The following NEK10 variants were observed in gnomAD, a reference collection of about 807,000 sequenced individuals.
NEK10 encodes serine/threonine-protein kinase Nek10.
NEK10 carries 122 observed loss-of-function variants against 159.8 expected under a neutral mutation model. That is an observed-to-expected ratio of 0.76 (90% CI 0.66 to 0.89). The LOEUF (loss-of-function observed/expected upper bound fraction) is 0.89, where lower values mean the gene tolerates loss of function less well. Among genes scored for constraint, NEK10 ranks in the 40% least tolerant of loss-of-function variants. The pLI is 0.00. For missense variants in NEK10, 1,342 were observed against 1,323.1 expected, an observed-to-expected ratio of 1.01 and a Z score of -0.22; for synonymous variants, 466 against 457.1, an observed-to-expected ratio of 1.02 and a Z score of -0.25.
At chr3:27,347,021 A>G (rs2149795553) in intron 3 of NEK10, among the ~76,000 whole-genome samples, 1 of 152,354 alleles carries the variant, frequency 6.6e-6, no homozygotes, top group South Asian at 2.1e-4. Flanking sequence ...CATGGTATAG[A>G]CAAATATCCT....
chr3:27,148,096 C>T (rs1168043607), intron 30 of NEK10, among the ~76,000 whole-genome samples: 1 of 152,148 alleles, frequency 6.6e-6, no homozygotes, highest in African/African-American at 2.4e-5. Context: ...TGAATCCATA[C>T]TGAGCAGAGT....
intron 30 of NEK10, among the ~76,000 whole-genome samples, chr3:27,148,925 C>T (rs6797739): frequency 0.097 from 14,766 of 151,898 alleles, 2,359 homozygotes; most frequent in African/African-American, 0.34. Context: ...AAACACATTA[C>T]CCTAAAATGA....
rs1478684235 is a variant in NEK10, at chr3:27,313,823, T to C, written c.489+474A>G. On this transcript the variant is annotated intron_variant, in intron 7 of 35. Coordinates refer to ENST00000691995, the MANE Select transcript of NEK10 (RefSeq NM_001394966.1). ...CGCCCCCCAGGTTTAAGCAATTCTC[T>C]GCCTCAGCCTCCCGAGTAGCTGGGA... Among the ~76,000 whole-genome samples the C allele has an allele frequency of 4.6e-5, 7 of 152,118 alleles. No homozygotes were observed. In the East Asian group the frequency reaches 1.4e-3, roughly 29 times the overall value.
chr3:27,202,117 C>T (rs571206543), intron 24 of NEK10, among the ~76,000 whole-genome samples: 114 of 152,086 alleles, frequency 7.5e-4, no homozygotes, highest in African/African-American at 2.6e-3. Flanking sequence ...TGTCACTGCA[C>T]GCCAGCCTGG....
intron 30 of NEK10, chr3:27,162,226 G>A: frequency 1.6e-6 from 1 of 607,472 alleles, no homozygotes. Flanking sequence ...TCCCGCCACG[G>A]CAGAAATGCA....
chr3:27,364,404 G>A (rs904857810), intron 1 of NEK10, among the ~76,000 whole-genome samples: 3 of 137,372 alleles, frequency 2.2e-5, no homozygotes, highest in Non-Finnish European at 4.7e-5. Flanking sequence ...GTGTGTGTGT[G>A]TATAGTAGAG....
At chr3:27,203,963 G>T (rs886598407) in intron 23 of NEK10, among the ~76,000 whole-genome samples, 3 of 152,056 alleles carry the variant, frequency 2.0e-5, no homozygotes, top group African/African-American at 7.2e-5. Context: ...TGTACAAAAA[G>T]TATTCCCTGC....
intron 6 of NEK10, 133 bp downstream of exon 6, chr3:27,322,044 C>G (rs1575739839): frequency 1.7e-6 from 1 of 572,466 alleles, no homozygotes; most frequent in African/African-American, 1.9e-5. Context: ...GAGACATTCC[C>G]CATATATGGA....
chr3:27,182,602 AC>A (rs58944550), intron 26 of NEK10, among the ~76,000 whole-genome samples: 12,773 of 152,146 alleles, frequency 0.084, 1,763 homozygotes, highest in African/African-American at 0.29. Flanking sequence ...AGGTATTTAT[AC>A]ACAAGAAAAG....
intron 22 of NEK10, among the ~76,000 whole-genome samples, chr3:27,280,937 G>GTGTGTGTGTA (rs147002099): frequency 2.0e-5 from 3 of 149,492 alleles, no homozygotes; most frequent in African/African-American, 4.9e-5. Flanking sequence ...GTGTGTGTGT[G>GTGTGTGTGTA]TATATGTATA....
At chr3:27,202,762 C>G (rs1004475340) in intron 23 of NEK10, among the ~76,000 whole-genome samples, 3 of 152,158 alleles carry the variant, frequency 2.0e-5, no homozygotes, top group African/African-American at 7.2e-5. Context: ...AGCTTAAGCA[C>G]TAAATACCAG....
intron 5 of NEK10, among the ~76,000 whole-genome samples, chr3:27,328,845 A>G (rs2046202217): frequency 6.6e-6 from 1 of 152,218 alleles, no homozygotes; most frequent in Non-Finnish European, 1.5e-5. Context: ...CTGATGGGGA[A>G]GACTAAAACT....
chr3:27,335,002 G>T (rs185123522), intron 5 of NEK10, among the ~76,000 whole-genome samples: 12 of 152,128 alleles, frequency 7.9e-5, no homozygotes, highest in Non-Finnish European at 2.9e-5. Context: ...AACAATTCAG[G>T]ATACAAATTA....
intron 31 of NEK10, among the ~76,000 whole-genome samples, chr3:27,132,771 T>C (rs1942769459): frequency 6.6e-6 from 1 of 152,052 alleles, no homozygotes; most frequent in African/African-American, 2.4e-5. Context: ...ATTAAAAGGG[T>C]CTCAGAGTGG....
intron 26 of NEK10, among the ~76,000 whole-genome samples, chr3:27,181,470 AG>A (rs1948096624): frequency 6.6e-6 from 1 of 152,046 alleles, no homozygotes; most frequent in African/African-American, 2.4e-5. Flanking sequence ...GAGGAAGAGG[AG>A]GGGTTGGTTT....
At chr3:27,252,426 G>A (rs541888648) in intron 23 of NEK10, among the ~76,000 whole-genome samples, 2 of 152,108 alleles carry the variant, frequency 1.3e-5, no homozygotes, top group Non-Finnish European at 2.9e-5. Context: ...AAAGGACAGG[G>A]AATTAAAAAT....
At chr3:27,120,334 T>A (rs1176918180) in intron 32 of NEK10, among the ~76,000 whole-genome samples, 1 of 151,786 alleles carries the variant, frequency 6.6e-6, no homozygotes, top group Non-Finnish European at 1.5e-5. Flanking sequence ...TTTCTTTTTT[T>A]TTTTTCTGCA....
rs185073062 is a variant in NEK10, at chr3:27,107,646, G to A, written c.*3626C>T. ...ACCCAAGGAGTCAATGTCAATATTC[G>A]GAAGCATTAAGCTTCCCTTACGTTG... is the stretch of plus-strand genomic sequence containing the variant. On this transcript the variant is annotated 3_prime_UTR_variant, in exon 36 of 36. Coordinates refer to ENST00000691995, the MANE Select transcript of NEK10 (RefSeq NM_001394966.1). Among the ~76,000 whole-genome samples, 7 of 152,112 alleles carry A rather than the reference G, an allele frequency of 4.6e-5. No homozygotes were observed. Among genetic ancestry groups the A allele is most frequent in the African/African-American group, 1.2e-4 (5 of 41,500 alleles).
intron 22 of NEK10, among the ~76,000 whole-genome samples, chr3:27,283,146 A>G (rs1258340790): frequency 2.6e-5 from 4 of 152,096 alleles, no homozygotes; most frequent in Non-Finnish European, 5.9e-5. Context: ...ATTCCTGAAC[A>G]CATGTTGTTA....
Sources: gnomAD v4.1 joint callset for allele counts (sites outside exome capture counted in the v4.1 genomes callset) on GRCh38, gnomAD v4.1.1 for gene constraint, MANE v1.5 for transcripts, NCBI Gene and HGNC (gene_info 2026-07-23, HGNC 2026-07-21) for gene names.